Variants in RBFOX3 observed in about 807,000 individuals in gnomAD.
RBFOX3 encodes the protein RNA binding fox-1 homolog 3, also known as RNA binding protein fox-1 homolog 3.
RBFOX3 carries 17 observed loss-of-function variants against 48.7 expected under a neutral mutation model. The ratio of observed to expected loss-of-function variants is 0.35; its 90% confidence interval spans 0.24 to 0.52. RBFOX3 has a LOEUF of 0.52. RBFOX3 is among the 20% of genes least tolerant of loss of function. The probability of loss-of-function intolerance (pLI) is 0.94; values close to 1 mark genes in which losing one functional copy is unlikely to be tolerated. For synonymous variants in RBFOX3, 212 were observed against 209.5 expected, an observed-to-expected ratio of 1.01 and a Z score of -0.10; for missense variants, 382 against 497.5, an observed-to-expected ratio of 0.77 and a Z score of 2.21.
At chr17:79,539,818 A>G (rs2089405649) in intron 1 of RBFOX3, among the ~76,000 whole-genome samples, 1 of 152,244 alleles carries the variant, frequency 6.6e-6, no homozygotes, top group Admixed American at 6.5e-5. Flanking sequence ...TATTACAGGT[A>G]GGGTCCTAGA....
intron 2 of RBFOX3, among the ~76,000 whole-genome samples, chr17:79,386,574 T>C (rs1201637549): frequency 6.6e-6 from 1 of 152,194 alleles, no homozygotes; most frequent in Non-Finnish European, 1.5e-5. Context: ...AGCCCCCAAG[T>C]GTTCTGTTCT....
intron 2 of RBFOX3, among the ~76,000 whole-genome samples, chr17:79,377,781 G>GTCCCTGGTGACCCGAGGTCGCT (rs1413272470): frequency 5.3e-5 from 8 of 152,234 alleles, no homozygotes; most frequent in African/African-American, 1.7e-4. Flanking sequence ...AGGTGTGCGT[G>GTCCCTGGTGACCCGAGGTCGCT]TCCCTGGTGA....
In RBFOX3 at chr17:79,243,417, C is replaced by T. The variant is rs111870393; in HGVS notation, c.-73-7612G>A. 6.6e-6 allele frequency among the ~76,000 whole-genome samples: 1 copy of T among 152,316 alleles called. No homozygotes were observed. Among genetic ancestry groups the T allele is most frequent in the Non-Finnish European group, 1.5e-5 (1 of 68,028 alleles). ...GCAGCCTCAACGCCCAACATCAGCC[C>T]AAACCTTCTGTGACCAGTTGACTCT... On this transcript the variant is annotated intron_variant, in intron 3 of 14. Coordinates refer to ENST00000693108, the MANE Select transcript of RBFOX3 (RefSeq NM_001350451.2). This position sits in a 1 kb window ranked among gnomAD's most constrained non-coding sequence, Gnocchi z 7.9.
chr17:79,280,708 G>A (rs1204638504), intron 3 of RBFOX3, among the ~76,000 whole-genome samples: 4 of 152,126 alleles, frequency 2.6e-5, no homozygotes, highest in Non-Finnish European at 4.4e-5. Flanking sequence ...CACGGCAGGC[G>A]GGGCTGGCAT....
At chr17:79,557,249 A>G (rs1329198223) in intron 1 of RBFOX3, among the ~76,000 whole-genome samples, 4 of 144,326 alleles carry the variant, frequency 2.8e-5, no homozygotes, top group Admixed American at 7.0e-5. Flanking sequence ...AAAAAAAAAA[A>G]GGAAAGGAAA....
chr17:79,425,556 C>A (rs1381495628), intron 2 of RBFOX3, among the ~76,000 whole-genome samples: 16 of 152,242 alleles, frequency 1.1e-4, no homozygotes, highest in Non-Finnish European at 5.9e-5. Context: ...GGAGACCCAA[C>A]AGGACACAGC....
intron 1 of RBFOX3, among the ~76,000 whole-genome samples, chr17:79,494,276 T>A (rs2081122570): frequency 6.6e-6 from 1 of 152,144 alleles, no homozygotes; most frequent in Non-Finnish European, 1.5e-5. Flanking sequence ...GTGGGGAAGC[T>A]GGCAGCCAGG....
intron 14 of RBFOX3, chr17:79,092,743 C>T (rs2074199629): frequency 1.6e-6 from 1 of 607,820 alleles, no homozygotes; most frequent in Non-Finnish European, 2.1e-6. Context: ...GAGAAATAGC[C>T]AAGTCTCGAT....
chr17:79,131,190 G>A (rs976256195), intron 4 of RBFOX3, among the ~76,000 whole-genome samples: 12 of 150,488 alleles, frequency 8.0e-5, no homozygotes, highest in Non-Finnish European at 1.3e-4. Context: ...GCTGTATGCT[G>A]TGTGCTCCGT....
chr17:79,282,572 G>A (rs1205050903), intron 3 of RBFOX3, among the ~76,000 whole-genome samples: 3 of 152,166 alleles, frequency 2.0e-5, no homozygotes, highest in East Asian at 1.9e-4. Context: ...TAGGGGTGTG[G>A]GGTGGGCAGG....
intron 3 of RBFOX3, among the ~76,000 whole-genome samples, chr17:79,301,137 G>A (rs542025189): frequency 6.6e-6 from 1 of 152,346 alleles, no homozygotes; most frequent in Non-Finnish European, 1.5e-5. Context: ...ATGCTCCCCT[G>A]CTGGGATGGG....
chr17:79,434,039 T>C (rs1436357795), intron 2 of RBFOX3, among the ~76,000 whole-genome samples: 4 of 152,216 alleles, frequency 2.6e-5, no homozygotes, highest in Admixed American at 2.6e-4. Flanking sequence ...TCAGGAACAC[T>C]GGACAGCTGT....
At chr17:79,376,736 T>C (rs975936311) in intron 2 of RBFOX3, among the ~76,000 whole-genome samples, 1 of 152,100 alleles carries the variant, frequency 6.6e-6, no homozygotes, top group Non-Finnish European at 1.5e-5. Flanking sequence ...GAGGACCTTG[T>C]TTTCAGCAGG....
At chr17:79,539,218 G>A (rs1371613006) in intron 1 of RBFOX3, among the ~76,000 whole-genome samples, 1 of 152,134 alleles carries the variant, frequency 6.6e-6, no homozygotes, top group Non-Finnish European at 1.5e-5. Flanking sequence ...AGGGCATGGT[G>A]GCACATACCT....
At position 79,372,630 on chromosome 17, in the gene RBFOX3, T is replaced by C. The variant is rs557961251; in HGVS notation, c.-174-64806A>G. 5.9e-5 allele frequency among the ~76,000 whole-genome samples: 9 copies of C among 152,220 alleles called. No individual in the cohort carries two copies. The South Asian group carries it at 1.5e-3, about 25-fold the overall frequency. Reference sequence around the variant, plus strand: ...AGTCTCCTGGCTGGAGGCTCTGGGATGTCAGCTCCCCCATGTTTCCTGGGG... The same window carrying C: ...AGTCTCCTGGCTGGAGGCTCTGGGACGTCAGCTCCCCCATGTTTCCTGGGG... On this transcript the variant is annotated intron_variant, in intron 2 of 14. Transcript: ENST00000693108.
intron 3 of RBFOX3, among the ~76,000 whole-genome samples, chr17:79,237,664 C>A (rs2061796214): frequency 2.6e-5 from 4 of 152,214 alleles, no homozygotes; most frequent in Non-Finnish European, 5.9e-5. Context: ...CCCCTCCCAG[C>A]CGCATCAGGG....
chr17:79,450,202 C>T (rs781996253), intron 2 of RBFOX3, among the ~76,000 whole-genome samples: 1 of 152,248 alleles, frequency 6.6e-6, no homozygotes, highest in Non-Finnish European at 1.5e-5. Flanking sequence ...TGTACAGACA[C>T]TGTGGACTGC....
chr17:79,486,583 C>T (rs1395748702), intron 1 of RBFOX3, among the ~76,000 whole-genome samples: 3 of 152,160 alleles, frequency 2.0e-5, no homozygotes, highest in Admixed American at 2.0e-4. Flanking sequence ...CATCCTGGAC[C>T]CTACCCTCCA....
At chr17:79,461,203 A>C (rs1042030537) in intron 2 of RBFOX3, among the ~76,000 whole-genome samples, 3 of 152,214 alleles carry the variant, frequency 2.0e-5, no homozygotes. Flanking sequence ...GATGACTAAC[A>C]CATCCTTTCA....
Sources: gnomAD v4.1 joint callset for allele counts (sites outside exome capture counted in the v4.1 genomes callset) on GRCh38, gnomAD v4.1.1 for gene constraint, Gnocchi (gnomAD v3.1) non-coding constraint, MANE v1.5 for transcripts, NCBI Gene and HGNC (gene_info 2026-07-23, HGNC 2026-07-21) for gene names.